Variants in TCEA3 observed in about 807,000 individuals in gnomAD.
The protein encoded by TCEA3 is transcription elongation factor A protein 3.
Under a neutral mutation model 44.0 loss-of-function variants are expected in TCEA3, and 36 were observed. The observed-to-expected ratio is 0.82, with a 90% CI of 0.63 to 1.08. TCEA3 has a LOEUF of 1.08. TCEA3 is among the 50% of genes least tolerant of loss of function. The pLI, the probability that TCEA3 is intolerant of heterozygous loss-of-function variation, is 0.00. For missense variants in TCEA3, 392 were observed against 441.2 expected (o/e 0.89, Z 1.00); for synonymous variants, 162 against 159.7 (o/e 1.01, Z -0.11).
chr1:23,405,288 G>C (rs898069828), intron 5 of TCEA3, among the ~76,000 whole-genome samples: 1 of 152,018 alleles, frequency 6.6e-6, no homozygotes, highest in Non-Finnish European at 1.5e-5. Flanking sequence ...AAACAGTCTG[G>C]GTAGGAGACA....
rs1639650780 is a variant in TCEA3, at chr1:23,409,510, T to C, written c.381-784A>G. 2.0e-5 allele frequency among the ~76,000 whole-genome samples: 3 copies of C among 152,276 alleles called. No individual in the cohort carries two copies. The South Asian group carries it at 6.2e-4, about 32-fold the overall frequency. ...CTCACTTACCCTGCCTTCCTTTTAATTCCATAGCACGTGTCACCTTCTAGC... is the reference window on the plus strand; with the variant it reads ...CTCACTTACCCTGCCTTCCTTTTAACTCCATAGCACGTGTCACCTTCTAGC... On this transcript the variant is annotated intron_variant, in intron 4 of 10. Transcript: ENST00000450454.
chr1:23,417,319 C>T lies in TCEA3; in HGVS notation c.310G>A (p.Glu104Lys), dbSNP rs373490559. 2.5e-6 allele frequency: 4 copies of T among 1,614,052 alleles called. No individual in the cohort carries two copies. The highest frequency in any genetic ancestry group is 2.5e-6 in the Non-Finnish European group (3 of 1,179,894). ...GCTTCTGGCTTCCAGTCTGAACACT[C>T]AAGCCCTTTTTCCTTCTTCTTTGCC... is the stretch of plus-strand genomic sequence containing the variant. ...EKAKKKEKGL[E>K]CSDWKPEAGL... is the part of the protein sequence containing the mutation. The change falls in exon 4 of 11, where the codon GAG becomes AAG. Residue 104 changes from glutamate to lysine, a missense_variant. Glu to Lys is a moderately conservative substitution (Grantham distance 56). Coordinates refer to ENST00000450454, the MANE Select transcript of TCEA3 (RefSeq NM_003196.3).
chr1:23,382,338 C>A (rs1638691571), intron 10 of TCEA3, among the ~76,000 whole-genome samples: 1 of 152,174 alleles, frequency 6.6e-6, no homozygotes, highest in Non-Finnish European at 1.5e-5. Context: ...CTGCGCCTGG[C>A]CTATCACTCC....
intron 8 of TCEA3, among the ~76,000 whole-genome samples, chr1:23,393,257 C>A (rs1639115587): frequency 6.6e-6 from 1 of 152,120 alleles, no homozygotes; most frequent in Admixed American, 6.5e-5. Flanking sequence ...AAGCTTCGCT[C>A]ACTTGCCCAC....
intron 5 of TCEA3, among the ~76,000 whole-genome samples, chr1:23,407,645 G>T (rs564485038): frequency 6.6e-6 from 1 of 151,874 alleles, no homozygotes; most frequent in African/African-American, 2.4e-5. Flanking sequence ...ATCCTTCCCC[G>T]ATCCTCTTCC....
chr1:23,390,202 C>T (rs1035885791), intron 8 of TCEA3, among the ~76,000 whole-genome samples: 1 of 152,168 alleles, frequency 6.6e-6, no homozygotes, highest in Non-Finnish European at 1.5e-5. Flanking sequence ...GGCGCAGTGG[C>T]TCACACATGT....
At chr1:23,417,537 T>C (rs1405745978) in intron 3 of TCEA3, 147 bp from the exon 4 acceptor site, 1 of 1,313,638 alleles carries the variant, frequency 7.6e-7, no homozygotes, top group African/African-American at 1.5e-5. Context: ...TACACACAAA[T>C]GCACAAACAA....
rs750170443 is a variant in TCEA3, at chr1:23,404,094, AG to A, written c.443+4569del. 2.6e-5 allele frequency: 18 copies of A among 702,272 alleles called. No individual in the cohort carries two copies. In the East Asian group the frequency reaches 4.0e-4, roughly 16 times the overall value. The allele number at this position is 702,272 out of a possible 1,614,324, so 43.5% of individuals were successfully genotyped here. ...CCCAGGTCTGAGTAGAGGCATCTGG[AG>A]GCCGGGCCCGCTGCTTCTGTGCGCC... On this transcript the variant is annotated intron_variant, in intron 5 of 10. Coordinates refer to ENST00000450454, the MANE Select transcript of TCEA3 (RefSeq NM_003196.3).
chr1:23,416,462 A>G (rs146035653), intron 4 of TCEA3, among the ~76,000 whole-genome samples: 297 of 152,182 alleles, frequency 2.0e-3, no homozygotes, highest in African/African-American at 6.8e-3. Context: ...GAAAGTAGAG[A>G]TCCTTTTAAT....
intron 10 of TCEA3, chr1:23,384,098 T>C: frequency 7.5e-7 from 1 of 1,334,522 alleles, no homozygotes; most frequent in Middle Eastern, 2.9e-4. Flanking sequence ...TTGCTCATCC[T>C]GTGATAAAAT....
intron 5 of TCEA3, among the ~76,000 whole-genome samples, chr1:23,408,073 T>C (rs933737598): frequency 9.9e-5 from 15 of 152,172 alleles, no homozygotes; most frequent in Non-Finnish European, 2.2e-4. Flanking sequence ...GCGATTCTCC[T>C]GCCTCAGCCT....
chr1:23,424,653 C>A lies in TCEA3; in HGVS notation c.-20G>T. Reference sequence around the variant, plus strand: ...GCCCATGTTGGCCCGCGACGCCCGGCGGGGCGAGGGGCACAGGGGCAGCAG... The same window carrying A: ...GCCCATGTTGGCCCGCGACGCCCGGAGGGGCGAGGGGCACAGGGGCAGCAG... On this transcript the variant is annotated 5_prime_UTR_variant, in exon 1 of 11. Transcript: ENST00000450454. 2 of 1,598,486 alleles carry A rather than the reference C, an allele frequency of 1.3e-6. No individual in the cohort carries two copies. The highest frequency in any genetic ancestry group is 1.7e-6 in the Non-Finnish European group (2 of 1,175,580).
chr1:23,392,425 A>ACACG (rs1639070323), intron 8 of TCEA3, among the ~76,000 whole-genome samples: 1 of 9,862 alleles, frequency 1.0e-4, no homozygotes, highest in African/African-American at 3.6e-4. Flanking sequence ...CAATACACAC[A>ACACG]CACTCCACAC....
At position 23,424,594 on chromosome 1, in the gene TCEA3, G is replaced by T. The variant is rs993373503; in HGVS notation, c.40C>A (p.Leu14Met). 2.5e-6 allele frequency: 4 copies of T among 1,608,558 alleles called. No individual in the cohort carries two copies. Among genetic ancestry groups the T allele is most frequent in the Non-Finnish European group, 2.5e-6 (3 of 1,179,016 alleles). Residue 14 changes from leucine to methionine, a missense_variant, in exon 1 of 11, where the codon CTG becomes ATG. Physicochemically the swap from Leu to Met is conservative, Grantham distance 15. Transcript: ENST00000450454. ...EEELLRIAKK[L>M]EKMVARKNTE... ...TTCTTCCTGGCCACCATCTTCTCCA[G>T]CTTTTTGGCGATCCTCAGCAGCTCC...
chr1:23,408,619 G>A (rs761533777), intron 5 of TCEA3, 45 bp downstream of exon 5: 3 of 1,582,016 alleles, frequency 1.9e-6, no homozygotes, highest in Non-Finnish European at 2.6e-6. Context: ...AGGGGACACA[G>A]GCTGAATAGG....
Position 23,397,600 on chromosome 1 carries a change from A to T in TCEA3, c.609T>A (p.Asp203Glu), listed in dbSNP as rs1639255216. 3.1e-6 allele frequency: 5 copies of T among 1,613,704 alleles called. No homozygotes were observed. Among genetic ancestry groups the T allele is most frequent in the Non-Finnish European group, 3.4e-6 (4 of 1,179,778 alleles). ...EMLSAALKAD[D>E]DYKDYGVNCD... ...AGTTGACTCCATAGTCCTTGTAATCATCTAAAAGAGATTCGAGAAATACAG... is the reference window on the plus strand; with the variant it reads ...AGTTGACTCCATAGTCCTTGTAATCTTCTAAAAGAGATTCGAGAAATACAG... Residue 203 changes from aspartate (D) to glutamate (E), a missense_variant and splice_region_variant, in exon 7 of 11, where the codon GAT becomes GAA. Coordinates refer to ENST00000450454, the MANE Select transcript of TCEA3 (RefSeq NM_003196.3).
intron 3 of TCEA3, 45 bp downstream of exon 3, chr1:23,417,859 T>G: frequency 6.4e-7 from 1 of 1,568,158 alleles, no homozygotes; most frequent in Non-Finnish European, 8.8e-7. Flanking sequence ...CTGTCCCAAG[T>G]GCTAGGAGAA....
At chr1:23,408,319 G>A (rs1026405979) in intron 5 of TCEA3, among the ~76,000 whole-genome samples, 5 of 152,168 alleles carry the variant, frequency 3.3e-5, no homozygotes, top group Non-Finnish European at 7.3e-5. Context: ...CTTGAGACTG[G>A]TCCCCTGACA....
intron 5 of TCEA3, among the ~76,000 whole-genome samples, chr1:23,399,136 G>GTATATATC (rs1191975371): frequency 1.7e-5 from 1 of 58,662 alleles, no homozygotes. Context: ...TTATATATAT[G>GTATATATC]TATATATGTA....
Sources: gnomAD v4.1 joint callset for allele counts (sites outside exome capture counted in the v4.1 genomes callset) on GRCh38, gnomAD v4.1.1 for gene constraint, MANE v1.5 for transcripts, NCBI Gene and HGNC (gene_info 2026-07-23, HGNC 2026-07-21) for gene names.